NUP35: variants seen among roughly 807,000 people sequenced by gnomAD.
NUP35 encodes the protein nucleoporin 35, also known as nucleoporin NUP35.
A neutral mutation model predicts 41.5 loss-of-function variants in NUP35; 25 were observed. The observed-to-expected ratio is 0.60, with a 90% CI of 0.44 to 0.84. The LOEUF is 0.84. Among genes scored for constraint, NUP35 ranks in the 40% least tolerant of loss-of-function variants. The pLI is 0.00. For synonymous variants in NUP35, 149 were observed against 130.7 expected (o/e 1.14, Z -0.96); for missense variants, 396 against 396.6 (o/e 1.00, Z 0.01).
At chr2:183,124,879 A>G (rs1297206798) in intron 1 of NUP35, among the ~76,000 whole-genome samples, 4 of 152,168 alleles carry the variant, frequency 2.6e-5, no homozygotes, top group Non-Finnish European at 4.4e-5. Flanking sequence ...CCTGGGAGGA[A>G]CTGACCGCGG....
At chr2:183,153,603 G>A (rs564787934) in intron 5 of NUP35, among the ~76,000 whole-genome samples, 6 of 152,308 alleles carry the variant, frequency 3.9e-5, no homozygotes, top group South Asian at 2.1e-4. Context: ...TCCAGGTCAC[G>A]CTGATGCAAG....
At position 183,158,263 on chromosome 2, in the gene NUP35, G is replaced by T; in HGVS notation, c.610-20G>T. ...ATTTTATATATTTTCTATTTTAAGA[G>T]ACAGTTTTATTCTTTGCAGATGTCT... On this transcript the variant is annotated intron_variant, in intron 6 of 8. Coordinates refer to ENST00000295119, the MANE Select transcript of NUP35 (RefSeq NM_138285.5). 1 of 1,469,966 alleles carries T rather than the reference G, an allele frequency of 6.8e-7. No homozygotes were observed. The highest frequency in any genetic ancestry group is 1.4e-5 in the South Asian group (1 of 70,762). 91.1% of individuals were successfully genotyped at this position (1,469,966 alleles called of 1,614,324 possible).
At position 183,130,472 on chromosome 2, in the gene NUP35, C is replaced by T. The variant is rs1684659567; in HGVS notation, c.266C>T (p.Pro89Leu). 6.2e-7 allele frequency: 1 copy of T among 1,612,592 alleles called. No homozygotes were observed. The highest frequency in any genetic ancestry group is 8.5e-7 in the Non-Finnish European group (1 of 1,179,688). ...GCTCATAAAGATAAAAGTGGCGCTC[C>T]ACCAGTTAGAAGTATATATGATGAC... ...VPAHKDKSGA[P>L]PVRSIYDDIS... is the part of the protein sequence containing the mutation. The change falls in exon 3 of 9, where the codon CCA (proline) becomes CTA (leucine). Residue 89 changes from proline (P) to leucine (L), a missense_variant. Transcript: ENST00000295119.
chr2:183,122,028 C>A (rs1221018463), upstream of NUP35, among the ~76,000 whole-genome samples: 1 of 150,560 alleles, frequency 6.6e-6, no homozygotes, highest in Non-Finnish European at 1.5e-5. Context: ...AATTTACAAA[C>A]CCTTTTCTAC....
At chr2:183,159,460 CA>C in intron 7 of NUP35, 27 bp from the exon 8 acceptor site, 1 of 1,587,100 alleles carries the variant, frequency 6.3e-7, no homozygotes. Context: ...TGTTTATAAA[CA>C]AAGGAGTTAT....
chr2:183,135,618 G>T (rs1270928106), intron 4 of NUP35, among the ~76,000 whole-genome samples: 2 of 152,184 alleles, frequency 1.3e-5, no homozygotes, highest in East Asian at 1.9e-4. Context: ...CTAGGTGAGA[G>T]ATGATAGTGA....
Position 183,161,094 on chromosome 2 carries a change from T to G in NUP35, c.944T>G (p.Leu315Arg). 1.2e-6 allele frequency: 2 copies of G among 1,613,580 alleles called. No individual in the cohort carries two copies. Among genetic ancestry groups the G allele is most frequent in the Non-Finnish European group, 1.7e-6 (2 of 1,179,658 alleles). Residue 315 changes from leucine (L) to arginine (R), a missense_variant, in exon 9 of 9, where the codon CTT (leucine) becomes CGT (arginine). Coordinates refer to ENST00000295119, the MANE Select transcript of NUP35 (RefSeq NM_138285.5). The stretch of plus-strand genomic sequence containing the variant: ...CAAACGCCAAAAAAAGATGAAAGTC[T>G]TGTATCCAAAGCAATGGAGTACATG... ...DRQTPKKDES[L>R]VSKAMEYMFG... is the part of the protein sequence containing the mutation.
chr2:183,152,110 A>AACACAC (rs67798004), intron 5 of NUP35, among the ~76,000 whole-genome samples: 1,195 of 113,428 alleles, frequency 0.011, 25 homozygotes, highest in African/African-American at 0.032. Flanking sequence ...AACATTTACA[A>AACACAC]ACACACACAC....
chr2:183,121,594 G>T (rs1341672034), upstream of NUP35, among the ~76,000 whole-genome samples: 1 of 152,152 alleles, frequency 6.6e-6, no homozygotes, highest in Non-Finnish European at 1.5e-5. Flanking sequence ...AGCTCTTTGG[G>T]AGGCTGAGGC....
chr2:183,124,071 G>T (rs1240156725), upstream of NUP35, among the ~76,000 whole-genome samples: 1 of 152,186 alleles, frequency 6.6e-6, no homozygotes, highest in Non-Finnish European at 1.5e-5. Flanking sequence ...TCATCAAGCT[G>T]ACTTTTCCAG....
At chr2:183,152,798 GC>G (rs1457505214) in intron 5 of NUP35, among the ~76,000 whole-genome samples, 6 of 152,140 alleles carry the variant, frequency 3.9e-5, no homozygotes. Flanking sequence ...GTTATTATTA[GC>G]AAAGCTCCAG....
intron 4 of NUP35, among the ~76,000 whole-genome samples, chr2:183,135,669 CAG>C (rs1003274730): frequency 6.6e-6 from 1 of 152,050 alleles, no homozygotes; most frequent in African/African-American, 2.4e-5. Context: ...AATACAATAA[CAG>C]GGAAAGATGG....
chr2:183,124,523 C>T, intron 1 of NUP35, 26 bp downstream of exon 1: 1 of 1,613,662 alleles, frequency 6.2e-7, no homozygotes, highest in Non-Finnish European at 8.5e-7. Flanking sequence ...CTTTTCCTTG[C>T]TGGCACTGCC....
chr2:183,151,116 G>A (rs1321522215), intron 4 of NUP35, among the ~76,000 whole-genome samples: 2 of 152,144 alleles, frequency 1.3e-5, no homozygotes, highest in Admixed American at 6.6e-5. Flanking sequence ...CAAGGCATTC[G>A]GATTTTGTTC....
chr2:183,160,906 C>A, intron 8 of NUP35, 148 bp from the exon 9 acceptor site: 1 of 552,048 alleles, frequency 1.8e-6, no homozygotes, highest in South Asian at 2.2e-5. Context: ...CACGGTGAAA[C>A]CCCGTCTCTA....
rs1684683755 is a variant in NUP35 at position 183,131,106 on chromosome 2, A to C, written c.339+561A>C. On this transcript the variant is annotated intron_variant, in intron 3 of 8. Transcript: ENST00000295119. ...CCAATCCTCCTGCCTCAACTGTCCTATTGGGATATAGGCACGTGCTGCTAT... is the reference window on the plus strand; with the variant it reads ...CCAATCCTCCTGCCTCAACTGTCCTCTTGGGATATAGGCACGTGCTGCTAT... 2 of 352,294 alleles carry C rather than the reference A, an allele frequency of 5.7e-6. 1 individual carries two copies. Among genetic ancestry groups the C allele is most frequent in the Non-Finnish European group, 1.2e-5 (2 of 166,622 alleles). The allele number at this position is 352,294 out of a possible 1,614,324, so 21.8% of individuals were successfully genotyped here.
chr2:183,153,697 G>C (rs1314676934), intron 5 of NUP35, among the ~76,000 whole-genome samples: 11 of 152,124 alleles, frequency 7.2e-5, no homozygotes, highest in Non-Finnish European at 1.5e-5. Flanking sequence ...TCCCGTGCTG[G>C]CATTGCGTGT....
chr2:183,142,064 T>G (rs1032173306), intron 4 of NUP35, among the ~76,000 whole-genome samples: 22 of 152,248 alleles, frequency 1.4e-4, no homozygotes, highest in African/African-American at 5.3e-4. Context: ...TCCATTGTCT[T>G]CTGCCTTCCA....
At chr2:183,139,972 A>G (rs1685028946) in intron 4 of NUP35, among the ~76,000 whole-genome samples, 1 of 152,250 alleles carries the variant, frequency 6.6e-6, no homozygotes. Context: ...AGTATCCACT[A>G]CCAAATAAGA....
Sources: gnomAD v4.1 joint callset for allele counts (sites outside exome capture counted in the v4.1 genomes callset) on GRCh38, gnomAD v4.1.1 for gene constraint, MANE v1.5 for transcripts, NCBI Gene and HGNC (gene_info 2026-07-23, HGNC 2026-07-21) for gene names.